The following RSPH14 variants were observed in gnomAD, a reference collection of about 807,000 sequenced individuals.
The protein encoded by RSPH14 is radial spoke head 14 homolog, also known as rhabdoid tumor deletion region gene 1.
Under a neutral mutation model 26.7 loss-of-function variants are expected in RSPH14, and 20 were observed. The ratio of observed to expected loss-of-function variants is 0.75; its 90% CI spans 0.53 to 1.09. The LOEUF (loss-of-function observed/expected upper bound fraction) is 1.09, where lower values mean the gene tolerates loss of function less well. Ranked by LOEUF, RSPH14 falls within the 50% of genes least tolerant of loss-of-function variation. The pLI is 0.00. For missense variants in RSPH14, 449 were observed against 457.2 expected, an observed-to-expected ratio of 0.98 and a Z score of 0.16; for synonymous variants, 177 against 189.3, an observed-to-expected ratio of 0.93 and a Z score of 0.53.
intron 4 of RSPH14, among the ~76,000 whole-genome samples, chr22:23,098,861 G>A (rs530504374): frequency 3.3e-5 from 5 of 152,334 alleles, no homozygotes; most frequent in Non-Finnish European, 5.9e-5. Flanking sequence ...GTCTCCAGCC[G>A]GGCCAGGGCC....
intron 4 of RSPH14, among the ~76,000 whole-genome samples, chr22:23,066,256 G>C (rs1225982115): frequency 1.3e-5 from 2 of 152,174 alleles, no homozygotes; most frequent in Non-Finnish European, 2.9e-5. Context: ...GAAATCCCTG[G>C]GACAGGTGTC....
At chr22:23,131,169 A>C (rs1042283920) in intron 4 of RSPH14, 1 of 158,682 alleles carries the variant, frequency 6.3e-6, no homozygotes, top group African/African-American at 2.4e-5. Context: ...CCAGTGGCGC[A>C]ACATGGATTC....
upstream of RSPH14, among the ~76,000 whole-genome samples, chr22:23,148,649 G>T (rs1245016609): frequency 6.6e-6 from 1 of 152,242 alleles, no homozygotes; most frequent in African/African-American, 2.4e-5. Context: ...AATTCAGTCA[G>T]GTTGAGCAGG....
intron 4 of RSPH14, among the ~76,000 whole-genome samples, chr22:23,128,109 G>A (rs879750836): frequency 6.6e-6 from 1 of 152,202 alleles, no homozygotes; most frequent in Non-Finnish European, 1.5e-5. Flanking sequence ...TCACAGGTGT[G>A]CCCAGTCAGG....
chr22:23,092,614 T>C (rs2069013619), intron 4 of RSPH14, among the ~76,000 whole-genome samples: 1 of 152,218 alleles, frequency 6.6e-6, no homozygotes, highest in Non-Finnish European at 1.5e-5. Flanking sequence ...GCCCTGTCGT[T>C]GCCGGCGCAC....
intron 4 of RSPH14, among the ~76,000 whole-genome samples, chr22:23,093,394 G>A (rs1017475649): frequency 6.6e-6 from 1 of 152,170 alleles, no homozygotes; most frequent in Admixed American, 6.5e-5. Flanking sequence ...CACCCACTGT[G>A]CACTGGGCAC....
intron 4 of RSPH14, among the ~76,000 whole-genome samples, chr22:23,078,430 T>G (rs898928726): frequency 1.3e-5 from 2 of 152,182 alleles, no homozygotes; most frequent in African/African-American, 4.8e-5. Context: ...GGGGCTGCCC[T>G]TGTCCCCCCA....
chr22:23,080,736 C>T (rs910527589), intron 4 of RSPH14, among the ~76,000 whole-genome samples: 2 of 152,214 alleles, frequency 1.3e-5, no homozygotes, highest in South Asian at 2.1e-4. Context: ...CTTTCATGTG[C>T]GTATGCTCTC....
chr22:23,073,630 G>A (rs79458834), intron 4 of RSPH14, among the ~76,000 whole-genome samples: 3,345 of 152,304 alleles, frequency 0.022, 124 homozygotes, highest in African/African-American at 0.077. Context: ...CAGGGGAGGC[G>A]CTTCACAGGA....
intron 4 of RSPH14, among the ~76,000 whole-genome samples, chr22:23,104,703 C>A (rs2069409711): frequency 6.6e-6 from 1 of 152,114 alleles, no homozygotes; most frequent in Admixed American, 6.5e-5. Flanking sequence ...CCCTAGTAAC[C>A]AGTGTAGATG....
At chr22:23,073,442 G>A (rs1251410986) in intron 4 of RSPH14, among the ~76,000 whole-genome samples, 1 of 152,230 alleles carries the variant, frequency 6.6e-6, no homozygotes, top group Non-Finnish European at 1.5e-5. Context: ...GTGGTGAGGT[G>A]AGCATTCCAG....
intron 4 of RSPH14, chr22:23,132,602 C>T (rs1156826379): frequency 6.6e-6 from 1 of 150,752 alleles, no homozygotes; most frequent in Non-Finnish European, 1.5e-5. Flanking sequence ...CTACTACACA[C>T]CCACCAAAAT....
At chr22:23,083,173 A>G (rs1163808903) in intron 4 of RSPH14, among the ~76,000 whole-genome samples, 1 of 152,114 alleles carries the variant, frequency 6.6e-6, no homozygotes, top group Non-Finnish European at 1.5e-5. Context: ...GGAGAGGGGC[A>G]GGTGTGATGC....
chr22:23,163,809 T>C, the RSPH14 span: 12 of 152,242 alleles, frequency 7.9e-5, no homozygotes, highest in African/African-American at 2.9e-4. Flanking sequence ...GTGAGCTCCT[T>C]CTGGACATAC....
chr22:23,145,124 G>A (rs1013067305), upstream of RSPH14: 1 of 576,960 alleles, frequency 1.7e-6, no homozygotes, highest in African/African-American at 1.9e-5. Context: ...TACCACATCA[G>A]GAGCTCTTAT....
chr22:23,061,737 G>C (rs1198650414), intron 6 of RSPH14, 72 bp downstream of exon 6: 2 of 1,567,656 alleles, frequency 1.3e-6, no homozygotes, highest in African/African-American at 2.8e-5. Context: ...CCCAGCCCCT[G>C]AGTACAGAAA....
the RSPH14 span, among the ~76,000 whole-genome samples, chr22:23,165,745 C>T: frequency 6.6e-6 from 1 of 152,178 alleles, no homozygotes; most frequent in Non-Finnish European, 1.5e-5. Flanking sequence ...TCCAAAATGG[C>T]CTCCCTCATA....
At chr22:23,125,779 T>C (rs1425166431) in intron 4 of RSPH14, among the ~76,000 whole-genome samples, 2 of 152,188 alleles carry the variant, frequency 1.3e-5, no homozygotes, top group South Asian at 2.1e-4. Context: ...GACGCTGATC[T>C]TTCCTCCTGC....
At chr22:23,162,413 C>G in the RSPH14 span, 1 of 351,100 alleles carries the variant, frequency 2.8e-6, no homozygotes, top group Non-Finnish European at 5.7e-6. Context: ...TCCTCTGGCA[C>G]TCATGCTGGG....
Sources: allele counts gnomAD v4.1 joint callset (sites outside exome capture counted in the v4.1 genomes callset), GRCh38; gene constraint gnomAD v4.1.1; transcripts MANE v1.5; gene names NCBI Gene and HGNC (gene_info 2026-07-23, HGNC 2026-07-21).